APLF: variants seen among roughly 807,000 people sequenced by gnomAD.
APLF encodes the protein aprataxin and PNK-like factor.
APLF carries 61 observed loss-of-function variants against 55.6 expected under a neutral mutation model. The ratio of observed to expected loss-of-function variants is 1.10; its 90% CI spans 0.89 to 1.36. APLF has a LOEUF of 1.36. Ranked by LOEUF, APLF falls within the 40% of genes most tolerant of loss-of-function variation. The probability of loss-of-function intolerance (pLI) is 0.00; values close to 1 mark genes in which losing one functional copy is unlikely to be tolerated. For synonymous variants in APLF, 207 were observed against 214.8 expected (o/e 0.96, Z 0.32); for missense variants, 611 against 602.5 (o/e 1.01, Z -0.15).
chr2:68,515,019 A>G (rs1434076498), intron 5 of APLF, among the ~76,000 whole-genome samples: 2 of 151,802 alleles, frequency 1.3e-5, no homozygotes, highest in African/African-American at 4.8e-5. Flanking sequence ...GAAAATTACT[A>G]CTCAGTGCTT....
intron 7 of APLF, among the ~76,000 whole-genome samples, chr2:68,541,201 T>C (rs1373695796): frequency 1.3e-5 from 2 of 152,142 alleles, no homozygotes; most frequent in African/African-American, 2.4e-5. Flanking sequence ...GAGGATAACA[T>C]AGAATATATT....
intron 6 of APLF, chr2:68,528,326 A>G (rs1371685196): frequency 1.4e-6 from 2 of 1,456,874 alleles, no homozygotes; most frequent in Middle Eastern, 2.3e-4. Flanking sequence ...GTTCTTACGC[A>G]TGTTGCCCTG....
intron 5 of APLF, among the ~76,000 whole-genome samples, chr2:68,517,718 T>C (rs2103962879): frequency 6.9e-6 from 1 of 145,346 alleles, no homozygotes; most frequent in East Asian, 2.1e-4. Flanking sequence ...ATCACTAATA[T>C]ATGTTAATAT....
intron 6 of APLF, among the ~76,000 whole-genome samples, chr2:68,526,912 T>C (rs1558542801): frequency 6.6e-6 from 1 of 152,208 alleles, no homozygotes; most frequent in Admixed American, 6.5e-5. Flanking sequence ...GATCTCGATC[T>C]CCTTTTTTTT....
intron 2 of APLF, among the ~76,000 whole-genome samples, chr2:68,499,048 C>T (rs1676641818): frequency 6.6e-6 from 1 of 151,552 alleles, no homozygotes; most frequent in African/African-American, 2.4e-5. Context: ...AACAAACAAA[C>T]AAAACACTGA....
chr2:68,482,044 T>G (rs1240554023), intron 1 of APLF, among the ~76,000 whole-genome samples: 1 of 152,150 alleles, frequency 6.6e-6, no homozygotes, highest in East Asian at 1.9e-4. Context: ...TCTATCCTGT[T>G]GACTTTCTTA....
chr2:68,546,788 A>G (rs1401682656), intron 8 of APLF, among the ~76,000 whole-genome samples: 1 of 151,860 alleles, frequency 6.6e-6, no homozygotes, highest in Non-Finnish European at 1.5e-5. Flanking sequence ...CAAAAAATTT[A>G]TAGCAAATAT....
At chr2:68,472,359 G>C (rs551195983) in intron 1 of APLF, among the ~76,000 whole-genome samples, 1 of 152,266 alleles carries the variant, frequency 6.6e-6, no homozygotes, top group South Asian at 2.1e-4. Flanking sequence ...ATATATTTTA[G>C]GGTAAAACAT....
intron 8 of APLF, among the ~76,000 whole-genome samples, chr2:68,551,934 G>A (rs13382390): frequency 6.6e-6 from 1 of 152,010 alleles, no homozygotes; most frequent in African/African-American, 2.4e-5. Flanking sequence ...TGTCCAGTCA[G>A]AAATTTAGAT....
chr2:68,528,253 C>T, intron 6 of APLF: 1 of 1,287,846 alleles, frequency 7.8e-7, no homozygotes, highest in Non-Finnish European at 1.1e-6. Flanking sequence ...GCTGTCTCTT[C>T]TTTCTCCTCC....
chr2:68,519,089 T>A (rs1200306627), intron 5 of APLF, among the ~76,000 whole-genome samples: 5 of 124,798 alleles, frequency 4.0e-5, no homozygotes, highest in Admixed American at 8.9e-5. Context: ...AATATATAAT[T>A]AATATATAAT....
At chr2:68,550,966 C>T (rs182040446) in intron 8 of APLF, among the ~76,000 whole-genome samples, 9 of 152,020 alleles carry the variant, frequency 5.9e-5, no homozygotes, top group Admixed American at 1.3e-4. Flanking sequence ...TCTTCCTAAA[C>T]GTCTATCCTT....
intron 3 of APLF, among the ~76,000 whole-genome samples, chr2:68,504,949 A>T (rs1676831119): frequency 6.6e-6 from 1 of 152,126 alleles, no homozygotes; most frequent in South Asian, 2.1e-4. Context: ...TTCAGCTTTT[A>T]AACAAATATG....
At position 68,529,384 on chromosome 2, in the gene APLF, G is replaced by A; in HGVS notation, c.804+3142G>A. 1 of 1,286,948 alleles carries A rather than the reference G, an allele frequency of 7.8e-7. No individual in the cohort carries two copies. The highest frequency in any genetic ancestry group is 9.8e-7 in the Non-Finnish European group (1 of 1,017,146). The allele number at this position is 1,286,948 out of a possible 1,614,324, so 79.7% of individuals were successfully genotyped here. A position where few individuals can be genotyped will look rare whatever the true frequency, so the allele number is the denominator to read the frequency against. On this transcript the variant is annotated intron_variant, in intron 6 of 9. Transcript: ENST00000303795. This position sits in a 1 kb window ranked among gnomAD's most constrained non-coding sequence, Gnocchi z 4.4. The stretch of plus-strand genomic sequence containing the variant: ...CCCGGCCAGCTGGGAAGGCCTCACG[G>A]ACAAGACGAGCAGGTTGCCGATGGC...
At chr2:68,535,719 G>A (rs1024028658) in intron 6 of APLF, among the ~76,000 whole-genome samples, 3 of 151,748 alleles carry the variant, frequency 2.0e-5, no homozygotes, top group African/African-American at 7.3e-5. Flanking sequence ...CCATGTTAAG[G>A]GGCCCTCAGC....
chr2:68,562,184 A>C (rs935998876), intron 8 of APLF, among the ~76,000 whole-genome samples: 1 of 152,192 alleles, frequency 6.6e-6, no homozygotes, highest in African/African-American at 2.4e-5. Context: ...GTGGAATCTA[A>C]GAACTTCCCA....
chr2:68,509,113 A>G (rs1676963990), intron 3 of APLF, among the ~76,000 whole-genome samples: 1 of 152,174 alleles, frequency 6.6e-6, no homozygotes, highest in African/African-American at 2.4e-5. Flanking sequence ...AAAACCATAA[A>G]AACCCTAGAA....
At chr2:68,535,371 T>C in intron 6 of APLF, 2 of 384,756 alleles carry the variant, frequency 5.2e-6, no homozygotes, top group Non-Finnish European at 1.0e-5. Flanking sequence ...CTCATTGCGT[T>C]ACTAATTTTT....
chr2:68,514,926 A>G (rs1272210505), intron 5 of APLF, among the ~76,000 whole-genome samples: 1 of 151,836 alleles, frequency 6.6e-6, no homozygotes, highest in African/African-American at 2.4e-5. Context: ...GGCAGTAATT[A>G]CTTTAGTTAT....
Sources: allele counts gnomAD v4.1 joint callset (sites outside exome capture counted in the v4.1 genomes callset), GRCh38; gene constraint gnomAD v4.1.1; non-coding constraint Gnocchi (gnomAD v3.1); transcripts MANE v1.5; gene names NCBI Gene and HGNC (gene_info 2026-07-23, HGNC 2026-07-21).